RGS3: variants seen among roughly 807,000 people sequenced by gnomAD.
RGS3 encodes the protein regulator of G-protein signalling 3.
RGS3 carries 80 observed loss-of-function variants against 132.6 expected under a neutral mutation model. That is an observed-to-expected ratio of 0.60 (90% confidence interval 0.50 to 0.73). RGS3 has a LOEUF of 0.73. Among genes scored for constraint, RGS3 ranks in the 30% least tolerant of loss-of-function variants. The pLI, the probability that RGS3 is intolerant of heterozygous loss-of-function variation, is 0.00. For missense variants in RGS3, 1,382 were observed against 1,530.8 expected, an observed-to-expected ratio of 0.90 and a Z score of 1.62; for synonymous variants, 598 against 620.6, an observed-to-expected ratio of 0.96 and a Z score of 0.54.
chr9:113,574,464 G>A (rs1158739839), intron 19 of RGS3, among the ~76,000 whole-genome samples: 1 of 152,252 alleles, frequency 6.6e-6, no homozygotes, highest in African/African-American at 2.4e-5. Flanking sequence ...AACATGGCTT[G>A]TTGCTGTTTG....
At chr9:113,594,306 C>T (rs545420954) in intron 21 of RGS3, 124 bp from the exon 20 acceptor site, 28 of 1,593,544 alleles carry the variant, frequency 1.8e-5, no homozygotes, top group Admixed American at 6.9e-5. Context: ...TCACTCGCAA[C>T]GGGAACCTGC....
At chr9:113,492,289 C>G (rs889796817) in intron 7 of RGS3, among the ~76,000 whole-genome samples, 2 of 152,164 alleles carry the variant, frequency 1.3e-5, no homozygotes, top group African/African-American at 4.8e-5. Flanking sequence ...CGGCTGTTCC[C>G]TCTGCCCAAA....
At chr9:113,568,981 C>G (rs1055830958) in intron 19 of RGS3, among the ~76,000 whole-genome samples, 1 of 152,224 alleles carries the variant, frequency 6.6e-6, no homozygotes, top group Non-Finnish European at 1.5e-5. Flanking sequence ...AGGACATGCT[C>G]TTCCTTCTGG....
chr9:113,505,412 T>C (rs1171311903), intron 10 of RGS3, 30 bp from the exon 9 acceptor site: 2 of 1,608,898 alleles, frequency 1.2e-6, no homozygotes, highest in Non-Finnish European at 1.7e-6. Flanking sequence ...CTCCAGCTTC[T>C]GGCAGTGACC....
intron 1 of RGS3, among the ~76,000 whole-genome samples, chr9:113,447,319 G>A (rs370930060): frequency 9.1e-5 from 2 of 21,880 alleles, no homozygotes; most frequent in African/African-American, 1.6e-4. Context: ...AAATTCTGAT[G>A]TATGTATATG....
At chr9:113,482,468 CT>C (rs1225333944) in intron 4 of RGS3, among the ~76,000 whole-genome samples, 1 of 152,214 alleles carries the variant, frequency 6.6e-6, no homozygotes, top group Non-Finnish European at 1.5e-5. Flanking sequence ...CCGTCCACCC[CT>C]GAGGCCCCAG....
At chr9:113,448,774 T>G (rs1037680581) in intron 1 of RGS3, among the ~76,000 whole-genome samples, 1 of 152,238 alleles carries the variant, frequency 6.6e-6, no homozygotes, top group Non-Finnish European at 1.5e-5. Context: ...ATGATGTGTC[T>G]TCTTTCTTCA....
intron 19 of RGS3, among the ~76,000 whole-genome samples, chr9:113,558,975 G>C (rs902507237): frequency 3.9e-5 from 6 of 152,258 alleles, no homozygotes; most frequent in African/African-American, 1.4e-4. Context: ...GGGAAACTGA[G>C]GCTTGGAGGT....
intron 19 of RGS3, among the ~76,000 whole-genome samples, chr9:113,568,462 G>A (rs1392368786): frequency 6.6e-6 from 1 of 152,180 alleles, no homozygotes; most frequent in South Asian, 2.1e-4. Context: ...TAGCAACTAG[G>A]GACTGGACCA....
chr9:113,595,288 C>T (rs914648863), intron 23 of RGS3, among the ~76,000 whole-genome samples: 3 of 152,192 alleles, frequency 2.0e-5, no homozygotes, highest in Admixed American at 6.5e-5. Flanking sequence ...GCTTTCACGG[C>T]GCCAAATGTG....
chr9:113,485,808 T>C (rs780079503), intron 7 of RGS3, 115 bp downstream of exon 5: 6 of 700,730 alleles, frequency 8.6e-6, no homozygotes, highest in Non-Finnish European at 1.2e-5. Context: ...TGAGTGATAG[T>C]GGCAATACTA....
upstream of RGS3, among the ~76,000 whole-genome samples, chr9:113,458,321 T>G (rs1182199651): frequency 6.6e-6 from 1 of 152,240 alleles, no homozygotes; most frequent in Non-Finnish European, 1.5e-5. Context: ...AAATGCATCC[T>G]TAGCTCACCT....
intron 4 of RGS3, 72 bp from the exon 3 acceptor site, chr9:113,482,983 ATGTG>A (rs1186033450): frequency 5.0e-6 from 8 of 1,609,120 alleles, no homozygotes; most frequent in Non-Finnish European, 6.8e-6. Flanking sequence ...GGATATGTCT[ATGTG>A]TGTCTCTCTT....
chr9:113,517,193 G>A (rs571905970), intron 15 of RGS3: 17 of 490,572 alleles, frequency 3.5e-5, no homozygotes, highest in East Asian at 5.8e-5. Flanking sequence ...GGGGGATGGC[G>A]GGGGCTGGGA....
intron 1 of RGS3, chr9:113,460,380 G>A (rs760705623): frequency 7.6e-5 from 18 of 238,198 alleles, no homozygotes; most frequent in Non-Finnish European, 1.0e-4. Flanking sequence ...TTAGCCGGGC[G>A]TGTTGGCGGG....
At chr9:113,519,833 C>T (rs1588193446) in intron 16 of RGS3, among the ~76,000 whole-genome samples, 3 of 152,106 alleles carry the variant, frequency 2.0e-5, no homozygotes, top group East Asian at 1.9e-4. Context: ...GATCCAGTCC[C>T]GCACCGTGAA....
chr9:113,473,091 A>G (rs1289347639), intron 3 of RGS3, among the ~76,000 whole-genome samples: 1 of 152,160 alleles, frequency 6.6e-6, no homozygotes, highest in Non-Finnish European at 1.5e-5. Context: ...ATATCCCAAT[A>G]CAGCTGTTAA....
intron 19 of RGS3, among the ~76,000 whole-genome samples, chr9:113,554,775 T>C (rs750380559): frequency 2.0e-5 from 3 of 152,226 alleles, no homozygotes; most frequent in Non-Finnish European, 4.4e-5. Context: ...TTCTAGTTTG[T>C]CATTTGCCTT....
Position 113,463,971 on chromosome 9 carries a change from GGGAGCAGGTGC to G in RGS3, c.415+1771_415+1781del. On this transcript the variant is annotated intron_variant, in intron 3 of 24. Transcript: ENST00000350696. The surrounding 1 kb of genome is among the most constrained non-coding windows in gnomAD (Gnocchi z 4.6). ...GCCCCTCGTGGTGACAGGGGAGGCT[GGGAGCAGGTGC>G]TCTTTCTATCTAGGGGCACCTTCTC... The G allele has an allele frequency of 7.2e-7, 1 of 1,383,210 alleles. No individual in the cohort carries two copies. Among genetic ancestry groups the G allele is most frequent in the African/African-American group, 1.5e-5 (1 of 68,704 alleles). 85.7% of individuals were successfully genotyped at this position (1,383,210 alleles called of 1,614,324 possible).
Sources: gnomAD v4.1 joint callset for allele counts (sites outside exome capture counted in the v4.1 genomes callset) on GRCh38, gnomAD v4.1.1 for gene constraint, Gnocchi (gnomAD v3.1) non-coding constraint, MANE v1.5 for transcripts, NCBI Gene and HGNC (gene_info 2026-07-23, HGNC 2026-07-21) for gene names.